EPB41: variants seen among roughly 807,000 people sequenced by gnomAD.
EPB41 encodes the protein protein 4.1.
A neutral mutation model predicts 108.0 loss-of-function variants in EPB41; 65 were observed. That is an observed-to-expected ratio of 0.60 (90% confidence interval 0.49 to 0.74). The LOEUF is 0.74. Ranked by LOEUF, EPB41 falls within the 30% of genes least tolerant of loss-of-function variation. The pLI is 0.00. For missense variants in EPB41, 875 were observed against 1,037.0 expected, an observed-to-expected ratio of 0.84 and a Z score of 2.15; for synonymous variants, 336 against 358.9, an observed-to-expected ratio of 0.94 and a Z score of 0.72.
At chr1:28,898,144 AC>A (rs890046802) in intron 1 of EPB41, among the ~76,000 whole-genome samples, 3 of 152,172 alleles carry the variant, frequency 2.0e-5, no homozygotes, top group African/African-American at 7.2e-5. Flanking sequence ...GCTGGCAGTG[AC>A]AGGAGATGAG....
intron 1 of EPB41, among the ~76,000 whole-genome samples, chr1:28,978,692 A>G (rs1439410843): frequency 6.6e-6 from 1 of 151,340 alleles, no homozygotes; most frequent in East Asian, 1.9e-4. Flanking sequence ...TTTGGTGGGT[A>G]TCATTAAATT....
At chr1:28,900,225 G>A (rs989549347) in intron 1 of EPB41, among the ~76,000 whole-genome samples, 1 of 152,006 alleles carries the variant, frequency 6.6e-6, no homozygotes, top group East Asian at 1.9e-4. Flanking sequence ...ACTAGCAGCA[G>A]AAAGGTGGAG....
At chr1:29,022,372 T>TAAAA (rs370103452) in intron 7 of EPB41, among the ~76,000 whole-genome samples, 330 of 109,322 alleles carry the variant, frequency 3.0e-3, no homozygotes, top group Non-Finnish European at 3.9e-3. Context: ...ATTGATATAA[T>TAAAA]AAAAAAAAAA....
At chr1:28,913,039 A>T (rs916452005), upstream of EPB41, among the ~76,000 whole-genome samples, 1 of 152,002 alleles carries the variant, frequency 6.6e-6, no homozygotes, top group Non-Finnish European at 1.5e-5. Context: ...GAATGGCATG[A>T]TCCTAGCTCA....
At chr1:28,968,086 C>T (rs193233543) in intron 1 of EPB41, among the ~76,000 whole-genome samples, 58 of 152,080 alleles carry the variant, frequency 3.8e-4, no homozygotes, top group African/African-American at 1.3e-3. Flanking sequence ...TGGCCAGGCA[C>T]GGTGGCTCAC....
intron 11 of EPB41, among the ~76,000 whole-genome samples, chr1:29,051,886 A>C (rs1233584381): frequency 1.7e-5 from 2 of 116,790 alleles, no homozygotes; most frequent in African/African-American, 7.1e-5. Context: ...CGACAGGGCA[A>C]GACTCCATCT....
chr1:29,105,037 G>A (rs1205151588), intron 17 of EPB41, among the ~76,000 whole-genome samples: 3 of 151,734 alleles, frequency 2.0e-5, no homozygotes, highest in African/African-American at 7.3e-5. Flanking sequence ...GATTGGTTTT[G>A]ACAAATGGCT....
chr1:28,970,657 C>T (rs760610155), intron 1 of EPB41, among the ~76,000 whole-genome samples: 47 of 152,060 alleles, frequency 3.1e-4, no homozygotes, highest in Non-Finnish European at 5.4e-4. Context: ...GACTTTTAAT[C>T]TCAACTTGGA....
At chr1:29,069,539 AT>A in intron 16 of EPB41, 1 of 897,394 alleles carries the variant, frequency 1.1e-6, no homozygotes, top group East Asian at 5.2e-5. Flanking sequence ...TAAGATTAAG[AT>A]TTTTTATTTC....
intron 1 of EPB41, among the ~76,000 whole-genome samples, chr1:28,977,754 A>C (rs1357451675): frequency 6.6e-6 from 1 of 152,154 alleles, no homozygotes. Flanking sequence ...TATCATTTGT[A>C]ACACGAGGAA....
At chr1:29,099,869 A>G (rs1423395936) in intron 17 of EPB41, among the ~76,000 whole-genome samples, 1 of 152,248 alleles carries the variant, frequency 6.6e-6, no homozygotes, top group Non-Finnish European at 1.5e-5. Context: ...GAAACAGGCA[A>G]TAAAGCACAT....
At chr1:29,029,675 G>A (rs2150258322) in intron 7 of EPB41, among the ~76,000 whole-genome samples, 1 of 152,306 alleles carries the variant, frequency 6.6e-6, no homozygotes, top group South Asian at 2.1e-4. Flanking sequence ...TAGAGGAGAA[G>A]AAAAGACTGT....
chr1:28,983,711 C>T (rs1441093937), intron 1 of EPB41, among the ~76,000 whole-genome samples: 1 of 152,132 alleles, frequency 6.6e-6, no homozygotes, highest in Non-Finnish European at 1.5e-5. Context: ...ACAGCAGTAT[C>T]CAGGGGGCAG....
intron 1 of EPB41, among the ~76,000 whole-genome samples, chr1:28,939,673 C>A (rs1171101764): frequency 6.6e-6 from 1 of 152,082 alleles, no homozygotes; most frequent in Non-Finnish European, 1.5e-5. Flanking sequence ...GAACTCCTGA[C>A]CTCAGGTGAT....
chr1:28,925,271 T>C (rs1388337445), intron 1 of EPB41, among the ~76,000 whole-genome samples: 2 of 152,078 alleles, frequency 1.3e-5, no homozygotes, highest in Non-Finnish European at 2.9e-5. Flanking sequence ...CCATTCTGGC[T>C]AATTTTTAAA....
intron 1 of EPB41, among the ~76,000 whole-genome samples, chr1:28,921,097 T>C (rs1454279180): frequency 6.6e-6 from 1 of 152,222 alleles, no homozygotes; most frequent in Non-Finnish European, 1.5e-5. Context: ...TGGTTAAATT[T>C]AAGCCTGTAA....
At chr1:28,963,369 GTGTGTGTGTGTGTC>G (rs1276644474) in intron 1 of EPB41, among the ~76,000 whole-genome samples, 1 of 151,554 alleles carries the variant, frequency 6.6e-6, no homozygotes, top group Non-Finnish European at 1.5e-5. Flanking sequence ...GTGTGTGTGT[GTGTGTGTGTGTGTC>G]TGTGTGTGAT....
chr1:28,931,506 A>C (rs1456611810), intron 1 of EPB41, among the ~76,000 whole-genome samples: 1 of 151,560 alleles, frequency 6.6e-6, no homozygotes, highest in Non-Finnish European at 1.5e-5. Flanking sequence ...ACTCCTCTAA[A>C]GAGTTTTATA....
At position 29,098,352 on chromosome 1, in the gene EPB41, G is replaced by A. The variant is rs190281329; in HGVS notation, c.2313+417G>A. On this transcript the variant is annotated intron_variant, in intron 17 of 20. Transcript: ENST00000343067. ...TGGGACTACAGGTGCCCGCCACCAC[G>A]CCTGGCTAATTTTTTTGTATTTTCA... is the stretch of plus-strand genomic sequence containing the variant. Among the ~76,000 whole-genome samples, 682 of 152,150 alleles carry A rather than the reference G, an allele frequency of 4.5e-3. 4 individuals carry two copies. Among genetic ancestry groups the A allele is most frequent in the African/African-American group, 0.016 (644 of 41,524 alleles).
Sources: gnomAD v4.1 joint callset for allele counts (sites outside exome capture counted in the v4.1 genomes callset) on GRCh38, gnomAD v4.1.1 for gene constraint, MANE v1.5 for transcripts, NCBI Gene and HGNC (gene_info 2026-07-23, HGNC 2026-07-21) for gene names.